The following ME2 variants were observed in gnomAD, a reference collection of about 807,000 sequenced individuals.
ME2 encodes malic enzyme 2.
A neutral mutation model predicts 73.7 loss-of-function variants in ME2; 60 were observed. That is an observed-to-expected ratio of 0.81 (90% CI 0.66 to 1.01). The LOEUF (loss-of-function observed/expected upper bound fraction) is 1.01, where lower values mean the gene tolerates loss of function less well. ME2 is among the 50% of genes least tolerant of loss of function. The probability of loss-of-function intolerance (pLI) is 0.00; values close to 1 mark genes in which losing one functional copy is unlikely to be tolerated. For missense variants in ME2, 594 were observed against 705.5 expected (o/e 0.84, Z 1.79); for synonymous variants, 199 against 236.9 (o/e 0.84, Z 1.47).
chr18:50,924,323 C>A, intron 11 of ME2, 111 bp downstream of exon 11: 1 of 690,604 alleles, frequency 1.4e-6, no homozygotes, highest in Non-Finnish European at 2.5e-6. Context: ...TAGCTTTCAG[C>A]ATGTACAATG....
chr18:50,942,672 C>T (rs1410065980), intron 15 of ME2: 1 of 293,272 alleles, frequency 3.4e-6, no homozygotes, highest in Non-Finnish European at 6.2e-6. Context: ...TTCTGTTTTT[C>T]TAACAAAGAC....
chr18:50,879,690 G>C, intron 1 of ME2, among the ~76,000 whole-genome samples: 1 of 152,206 alleles, frequency 6.6e-6, no homozygotes, highest in East Asian at 1.9e-4. Context: ...TCTGTGGCTG[G>C]AAACCCTTTG....
chr18:50,918,506 T>G (rs541666669), intron 7 of ME2, among the ~76,000 whole-genome samples: 2 of 152,290 alleles, frequency 1.3e-5, no homozygotes, highest in South Asian at 4.1e-4. Context: ...GCCTTGACCT[T>G]CAGGCTCACG....
chr18:50,892,341 C>CTCTA (rs1916624555), intron 1 of ME2, among the ~76,000 whole-genome samples: 1 of 152,152 alleles, frequency 6.6e-6, no homozygotes, highest in Non-Finnish European at 1.5e-5. Context: ...TGCCACTGCA[C>CTCTA]TCTAGCCTGA....
intron 2 of ME2, among the ~76,000 whole-genome samples, chr18:50,898,977 C>G (rs1179694827): frequency 6.6e-6 from 1 of 152,190 alleles, no homozygotes; most frequent in Non-Finnish European, 1.5e-5. Flanking sequence ...TAACTTTTCT[C>G]ATAATTTTCT....
intron 2 of ME2, among the ~76,000 whole-genome samples, chr18:50,900,640 C>T (rs1490321653): frequency 6.6e-6 from 1 of 152,154 alleles, no homozygotes; most frequent in Non-Finnish European, 1.5e-5. Context: ...TTTGGCTCTG[C>T]ATCACCACCC....
chr18:50,889,524 G>A (rs1204368653), intron 1 of ME2, among the ~76,000 whole-genome samples: 1 of 152,078 alleles, frequency 6.6e-6, no homozygotes, highest in African/African-American at 2.4e-5. Flanking sequence ...TATAATAAAG[G>A]GGGATTTTTT....
rs950224190 is a variant in ME2, at chr18:50,948,252, T to G, written c.*1068T>G. ...TAATTTAGAGCTAAATGGGGATGAA[T>G]AAGGTTGGTGTTCATCTGGGAAATG... On this transcript the variant is annotated 3_prime_UTR_variant, in exon 16 of 16. Transcript: ENST00000321341. 1 of 152,216 alleles carries G rather than the reference T, an allele frequency of 6.6e-6. No individual in the cohort carries two copies. Among genetic ancestry groups the G allele is most frequent in the African/African-American group, 2.4e-5 (1 of 41,452 alleles). 9.4% of individuals were successfully genotyped at this position (152,216 alleles called of 1,614,324 possible). A position where few individuals can be genotyped will look rare whatever the true frequency, so the allele number is the denominator to read the frequency against.
intron 13 of ME2, among the ~76,000 whole-genome samples, chr18:50,938,877 G>A (rs1457195459): frequency 6.6e-6 from 1 of 152,044 alleles, no homozygotes; most frequent in East Asian, 1.9e-4. Context: ...AAATAACAAT[G>A]TTAAATACTA....
chr18:50,882,392 A>G (rs1019298793), intron 1 of ME2, among the ~76,000 whole-genome samples: 1 of 152,190 alleles, frequency 6.6e-6, no homozygotes. Context: ...TCAAGTAGTC[A>G]AGCTCTTTAT....
chr18:50,937,610 GA>G (rs1917847283), intron 13 of ME2, among the ~76,000 whole-genome samples: 1 of 152,060 alleles, frequency 6.6e-6, no homozygotes, highest in Non-Finnish European at 1.5e-5. Flanking sequence ...ATAATGGGAA[GA>G]GAAGGAAAGT....
At chr18:50,907,769 C>T (rs1478970487) in intron 2 of ME2, among the ~76,000 whole-genome samples, 4 of 152,116 alleles carry the variant, frequency 2.6e-5, no homozygotes. Context: ...TCTAGAATGG[C>T]TCCCTGGAAG....
chr18:50,930,661 A>G (rs982538678), intron 12 of ME2, among the ~76,000 whole-genome samples: 3 of 152,158 alleles, frequency 2.0e-5, no homozygotes, highest in African/African-American at 4.8e-5. Flanking sequence ...ATCTTTCTAA[A>G]TTTCCAAACT....
At chr18:50,912,149 G>A (rs1643221211) in intron 3 of ME2, among the ~76,000 whole-genome samples, 1 of 152,154 alleles carries the variant, frequency 6.6e-6, no homozygotes, top group Non-Finnish European at 1.5e-5. Flanking sequence ...TCAGGGGAAA[G>A]ATAAGTCTGC....
intron 1 of ME2, among the ~76,000 whole-genome samples, chr18:50,891,778 A>G (rs968798095): frequency 6.6e-6 from 1 of 151,146 alleles, no homozygotes; most frequent in Non-Finnish European, 1.5e-5. Flanking sequence ...CCATTACTCC[A>G]TGACACCAGG....
intron 4 of ME2, chr18:50,913,210 C>A (rs1016350607): frequency 4.0e-6 from 1 of 247,748 alleles, no homozygotes; most frequent in Non-Finnish European, 7.6e-6. Flanking sequence ...ACTTCTGGAA[C>A]CTGCTCCCCC....
chr18:50,889,139 A>G (rs1916548815), intron 1 of ME2, among the ~76,000 whole-genome samples: 1 of 152,136 alleles, frequency 6.6e-6, no homozygotes, highest in African/African-American at 2.4e-5. Context: ...TTTATCCATT[A>G]ATTCCCTCCC....
intron 12 of ME2, among the ~76,000 whole-genome samples, chr18:50,929,149 A>T: frequency 6.6e-6 from 1 of 151,482 alleles, no homozygotes; most frequent in Middle Eastern, 3.4e-3. Flanking sequence ...TACTTTTGAT[A>T]TATTTGGCAT....
At chr18:50,930,100 A>C (rs1917658266) in intron 12 of ME2, among the ~76,000 whole-genome samples, 1 of 152,020 alleles carries the variant, frequency 6.6e-6, no homozygotes, top group Non-Finnish European at 1.5e-5. Context: ...TCTGTATAAA[A>C]AATTTAAAAA....
Sources: gnomAD v4.1 joint callset for allele counts (sites outside exome capture counted in the v4.1 genomes callset) on GRCh38, gnomAD v4.1.1 for gene constraint, MANE v1.5 for transcripts, NCBI Gene and HGNC (gene_info 2026-07-23, HGNC 2026-07-21) for gene names.